Variants in ARHGAP15 observed in about 807,000 individuals in gnomAD.
The protein encoded by ARHGAP15 is Rho GTPase activating protein 15.
ARHGAP15 carries 51 observed loss-of-function variants against 63.7 expected under a neutral mutation model. The observed-to-expected ratio is 0.80, with a 90% confidence interval of 0.64 to 1.01. The LOEUF (loss-of-function observed/expected upper bound fraction) is 1.01. Among genes scored for constraint, ARHGAP15 ranks in the 50% least tolerant of loss-of-function variants. ARHGAP15 has a pLI of 0.00. For missense variants in ARHGAP15, 560 were observed against 564.6 expected, an observed-to-expected ratio of 0.99 and a Z score of 0.08; for synonymous variants, 191 against 193.8, an observed-to-expected ratio of 0.99 and a Z score of 0.12.
chr2:143,431,867 T>G (rs1393576678), intron 6 of ARHGAP15, among the ~76,000 whole-genome samples: 4 of 152,028 alleles, frequency 2.6e-5, no homozygotes, highest in Admixed American at 1.3e-4. Flanking sequence ...TTGTGGGATT[T>G]ATTCTGCAAT....
chr2:143,487,923 T>A (rs913813938), intron 9 of ARHGAP15, among the ~76,000 whole-genome samples: 4 of 152,206 alleles, frequency 2.6e-5, no homozygotes, highest in Non-Finnish European at 5.9e-5. Context: ...ATCATCCTAG[T>A]CATAGTCTGA....
intron 11 of ARHGAP15, among the ~76,000 whole-genome samples, chr2:143,598,931 T>A (rs1251365240): frequency 6.6e-6 from 1 of 151,382 alleles, no homozygotes. Context: ...TAAGTTGGTT[T>A]TTTTTTTTTA....
In ARHGAP15 at chr2:143,647,478, G is replaced by A. The variant is rs1049529161; in HGVS notation, c.1138+23211G>A. On this transcript the variant is annotated intron_variant, in intron 12 of 13. Transcript: ENST00000295095. ...ATGGAAAGAATACACCAAAGCAGGA[G>A]TTGTTAGGTGCTTTCTACATGAACA... 2.0e-5 allele frequency among the ~76,000 whole-genome samples: 3 copies of A among 151,908 alleles called. No homozygotes were observed. The East Asian group carries it at 5.8e-4, about 29-fold the overall frequency.
intron 10 of ARHGAP15, among the ~76,000 whole-genome samples, chr2:143,529,877 G>A (rs1694448149): frequency 6.6e-6 from 1 of 152,040 alleles, no homozygotes. Flanking sequence ...TTATTGCCTG[G>A]AACTACAATG....
chr2:143,146,298 A>G (rs1174250809), intron 1 of ARHGAP15, among the ~76,000 whole-genome samples: 2 of 152,078 alleles, frequency 1.3e-5, no homozygotes, highest in East Asian at 3.9e-4. Context: ...AAAACAAGCA[A>G]AAGTATTGCA....
intron 8 of ARHGAP15, among the ~76,000 whole-genome samples, chr2:143,477,227 T>C (rs1323283839): frequency 2.6e-5 from 4 of 151,130 alleles, no homozygotes; most frequent in Admixed American, 6.6e-5. Context: ...CACACACACA[T>C]ATACAGCAGC....
Position 143,318,509 on chromosome 2 carries a change from C to CTTTTT in ARHGAP15, c.474+67931_474+67935dup, listed in dbSNP as rs535910161. 1.2e-3 allele frequency among the ~76,000 whole-genome samples: 68 copies of CTTTTT among 55,638 alleles called. 9 individuals are homozygous for CTTTTT. Among genetic ancestry groups the CTTTTT allele is most frequent in the African/African-American group, 2.7e-3 (39 of 14,638 alleles). The allele number at this position is 55,638 out of a possible 152,430, so 36.5% of individuals were successfully genotyped here. A position where few individuals can be genotyped will look rare whatever the true frequency, so the allele number is the denominator to read the frequency against. Reference sequence around the variant, plus strand: ...ATCACTTCACTTCCAGATTAAGGGCCTTTTTTTTTTTTTTTTTTTTTTTTT... The same window carrying CTTTTT: ...ATCACTTCACTTCCAGATTAAGGGCCTTTTTTTTTTTTTTTTTTTTTTTTTTTTTT... On this transcript the variant is annotated intron_variant, in intron 6 of 13. Coordinates refer to ENST00000295095, the MANE Select transcript of ARHGAP15 (RefSeq NM_018460.4).
At chr2:143,226,969 C>T (rs1693235461) in intron 4 of ARHGAP15, among the ~76,000 whole-genome samples, 1 of 152,056 alleles carries the variant, frequency 6.6e-6, no homozygotes, top group Non-Finnish European at 1.5e-5. Context: ...CTTCAATAGT[C>T]ATTTAAAAAG....
intron 10 of ARHGAP15, among the ~76,000 whole-genome samples, chr2:143,523,180 C>T (rs1694128387): frequency 1.3e-5 from 2 of 152,050 alleles, no homozygotes; most frequent in Middle Eastern, 3.2e-3. Context: ...TACTTTGTGT[C>T]ATCTTCCATG....
chr2:143,353,071 T>C (rs570099156), intron 6 of ARHGAP15, among the ~76,000 whole-genome samples: 1 of 152,294 alleles, frequency 6.6e-6, no homozygotes, highest in South Asian at 2.1e-4. Context: ...GAAACTTTTT[T>C]TTTCAGGAAA....
chr2:143,437,446 C>T (rs1455276660), intron 8 of ARHGAP15: 6 of 157,964 alleles, frequency 3.8e-5, no homozygotes, highest in African/African-American at 1.4e-4. Flanking sequence ...CAGGCTATGC[C>T]ACTTTCCACA....
At chr2:143,260,214 GAAAAT>G (rs1558849331) in intron 6 of ARHGAP15, among the ~76,000 whole-genome samples, 3 of 152,124 alleles carry the variant, frequency 2.0e-5, no homozygotes, top group East Asian at 1.9e-4. Flanking sequence ...ACTTTTTGTT[GAAAAT>G]AAAATAGTTA....
At chr2:143,728,646 A>T (rs1171290097) in intron 13 of ARHGAP15, among the ~76,000 whole-genome samples, 1 of 152,218 alleles carries the variant, frequency 6.6e-6, no homozygotes, top group African/African-American at 2.4e-5. Context: ...GGGAACAAGC[A>T]GCAGCATGAC....
chr2:143,568,087 T>C (rs1185483281), intron 11 of ARHGAP15, among the ~76,000 whole-genome samples: 1 of 152,098 alleles, frequency 6.6e-6, no homozygotes, highest in African/African-American at 2.4e-5. Context: ...AACTAGGCAA[T>C]ACCATTCAGG....
chr2:143,470,304 AAAAG>A (rs1235680572), intron 8 of ARHGAP15, among the ~76,000 whole-genome samples: 4 of 151,362 alleles, frequency 2.6e-5, no homozygotes, highest in East Asian at 1.9e-4. Flanking sequence ...AAAAAAAAAA[AAAAG>A]GGAACTGAGA....
At chr2:143,445,153 A>ACTTTTTTTTT (rs765945989) in intron 8 of ARHGAP15, among the ~76,000 whole-genome samples, 1,122 of 74,368 alleles carry the variant, frequency 0.015, 124 homozygotes, top group African/African-American at 0.049. Flanking sequence ...AAGAACAATT[A>ACTTTTTTTTT]TTTTTTTTTT....
intron 10 of ARHGAP15, among the ~76,000 whole-genome samples, chr2:143,536,398 G>C (rs1203315790): frequency 2.0e-5 from 3 of 151,778 alleles, no homozygotes; most frequent in African/African-American, 7.3e-5. Flanking sequence ...TATTATTTAA[G>C]TTTTAGGGTA....
At chr2:143,659,380 C>T (rs1036077230) in intron 12 of ARHGAP15, among the ~76,000 whole-genome samples, 1 of 152,044 alleles carries the variant, frequency 6.6e-6, no homozygotes, top group East Asian at 1.9e-4. Context: ...CATTGTGCAG[C>T]TTAAATATAT....
intron 12 of ARHGAP15, among the ~76,000 whole-genome samples, chr2:143,644,399 G>C (rs1180008197): frequency 6.6e-6 from 1 of 152,036 alleles, no homozygotes; most frequent in East Asian, 1.9e-4. Flanking sequence ...AGGTTTTATG[G>C]CTTGCTTTGA....
Sources: allele counts gnomAD v4.1 joint callset (sites outside exome capture counted in the v4.1 genomes callset), GRCh38; gene constraint gnomAD v4.1.1; transcripts MANE v1.5; gene names NCBI Gene and HGNC (gene_info 2026-07-23, HGNC 2026-07-21).